The following PIK3C2G variants were observed in gnomAD, a reference collection of about 807,000 sequenced individuals.
PIK3C2G encodes phosphatidylinositol 3-kinase C2 domain-containing subunit gamma.
In PIK3C2G, 168 loss-of-function variants were observed where a neutral mutation model predicts 181.1. The ratio of observed to expected loss-of-function variants is 0.93; its 90% CI spans 0.82 to 1.05. PIK3C2G has a LOEUF of 1.05. PIK3C2G is among the 50% of genes least tolerant of loss of function. The pLI is 0.00. For synonymous variants in PIK3C2G, 573 were observed against 592.2 expected, an observed-to-expected ratio of 0.97 and a Z score of 0.47; for missense variants, 1,869 against 1,732.8, an observed-to-expected ratio of 1.08 and a Z score of -1.40.
chr12:18,506,709 A>G (rs1441385316), intron 24 of PIK3C2G, among the ~76,000 whole-genome samples: 1 of 152,226 alleles, frequency 6.6e-6, no homozygotes, highest in African/African-American at 2.4e-5. Context: ...CTTTAAGCCG[A>G]AAGTAAGGAA....
intron 3 of PIK3C2G, 91 bp downstream of exon 3, chr12:18,287,020 T>C (rs1261285899): frequency 1.9e-6 from 1 of 521,860 alleles, no homozygotes; most frequent in Non-Finnish European, 3.2e-6. Context: ...ATTTTGCATA[T>C]AAAAGTCAAA....
chr12:18,683,452 C>A, the PIK3C2G span: 1 of 1,433,420 alleles, frequency 7.0e-7, no homozygotes, highest in East Asian at 2.4e-5. Flanking sequence ...AGTTATATTC[C>A]CATCTGGTAT....
chr12:18,625,801 T>A (rs1316368239), intron 31 of PIK3C2G, among the ~76,000 whole-genome samples: 2 of 151,898 alleles, frequency 1.3e-5, no homozygotes, highest in African/African-American at 2.4e-5. Context: ...CAGTTTTTTA[T>A]TTAAAGTCTA....
At chr12:18,442,943 C>T (rs11044117) in intron 18 of PIK3C2G, among the ~76,000 whole-genome samples, 14,025 of 151,778 alleles carry the variant, frequency 0.092, 768 homozygotes, top group Non-Finnish European at 0.13. Context: ...GCAATCTCGG[C>T]TCACTGCAAA....
intron 31 of PIK3C2G, among the ~76,000 whole-genome samples, chr12:18,637,400 AT>A (rs35836229): frequency 7.5e-5 from 11 of 146,828 alleles, no homozygotes; most frequent in African/African-American, 2.0e-4. Context: ...TGACCTAGAT[AT>A]TTTTTTTTTT....
In PIK3C2G at chr12:18,282,625, T is replaced by G. The variant is rs779340923; in HGVS notation, c.544T>G (p.Phe182Val). The change falls in exon 2 of 33, where the codon TTC (phenylalanine) becomes GTC (valine). Residue 182 changes from phenylalanine to valine, a missense_variant. Physicochemically the swap from Phe to Val is conservative, Grantham distance 50. Transcript: ENST00000538779. ...TAGCATTCCTCCAACAAATTCATCC[T>G]TCTCAAGTGACTTCATGCCGAAAGA... Reference protein sequence around the residue: ...ESSIPPTNSSFSSDFMPKEEN... With the variant: ...ESSIPPTNSSVSSDFMPKEEN... 1.2e-6 allele frequency: 2 copies of G among 1,613,388 alleles called. No homozygotes were observed. The highest frequency in any genetic ancestry group is 1.7e-6 in the Non-Finnish European group (2 of 1,179,398).
At chr12:18,500,274 G>T (rs1251714958) in intron 22 of PIK3C2G, among the ~76,000 whole-genome samples, 1 of 152,136 alleles carries the variant, frequency 6.6e-6, no homozygotes, top group Non-Finnish European at 1.5e-5. Context: ...GGGCAATGAG[G>T]AGCTTAGCAC....
At chr12:18,657,343 A>G in the PIK3C2G span, among the ~76,000 whole-genome samples, 1 of 152,164 alleles carries the variant, frequency 6.6e-6, no homozygotes, top group African/African-American at 2.4e-5. Context: ...GTGCCCAGGG[A>G]TGGGATCATA....
intron 29 of PIK3C2G, among the ~76,000 whole-genome samples, chr12:18,589,307 A>T (rs1419391652): frequency 6.6e-6 from 1 of 152,018 alleles, no homozygotes; most frequent in Non-Finnish European, 1.5e-5. Context: ...TGGGAATGTT[A>T]GGAACAAAAA....
intron 20 of PIK3C2G, 141 bp downstream of exon 20, chr12:18,491,699 A>G (rs868101194): frequency 5.2e-5 from 29 of 552,414 alleles, no homozygotes; most frequent in African/African-American, 5.2e-4. Flanking sequence ...ATCCATTTAC[A>G]TTGTGTTTTC....
intron 31 of PIK3C2G, among the ~76,000 whole-genome samples, chr12:18,637,865 T>C (rs1949673081): frequency 6.6e-6 from 1 of 152,354 alleles, no homozygotes; most frequent in East Asian, 1.9e-4. Flanking sequence ...GTCCAGCCTG[T>C]CCACCTTTTG....
chr12:18,612,193 A>G (rs1026634658), intron 31 of PIK3C2G, among the ~76,000 whole-genome samples: 2 of 151,970 alleles, frequency 1.3e-5, no homozygotes, highest in Non-Finnish European at 2.9e-5. Context: ...GGACCTTTGT[A>G]TCTGCTACTC....
At chr12:18,714,482 G>A in the PIK3C2G span, among the ~76,000 whole-genome samples, 5 of 152,126 alleles carry the variant, frequency 3.3e-5, no homozygotes, top group Non-Finnish European at 7.4e-5. Flanking sequence ...AGAAGTGGAA[G>A]GCAGAAAAAT....
rs189507371 is a variant in PIK3C2G at position 18,251,330 on chromosome 12, G to A, written c.-79+3248G>A. ...CAACTTACAGTTTTTGGAAGAATTG[G>A]AAATTTTAGTCATAGTCATTTATAT... On this transcript the variant is annotated intron_variant, in intron 1 of 11. Coordinates refer to the PIK3C2G transcript ENST00000535651. Among the ~76,000 whole-genome samples the A allele has an allele frequency of 5.4e-3, 814 of 152,026 alleles. 4 individuals carry two copies. The highest frequency in any genetic ancestry group is 0.01 in the Middle Eastern group (3 of 292).
At chr12:18,360,296 T>C (rs1344351775) in intron 11 of PIK3C2G, among the ~76,000 whole-genome samples, 3 of 152,190 alleles carry the variant, frequency 2.0e-5, no homozygotes, top group African/African-American at 7.2e-5. Context: ...CACCACACTT[T>C]ATGTTATTGA....
At chr12:18,430,815 CTTCTGTACCAG>C (rs1418122107) in intron 18 of PIK3C2G, among the ~76,000 whole-genome samples, 4 of 152,170 alleles carry the variant, frequency 2.6e-5, no homozygotes, top group Non-Finnish European at 5.9e-5. Context: ...GGAGCAGCAT[CTTCTGTACCAG>C]TTGAGAAAAC....
At chr12:18,250,375 G>T (rs1378812191) in intron 1 of PIK3C2G, among the ~76,000 whole-genome samples, 1 of 151,872 alleles carries the variant, frequency 6.6e-6, no homozygotes, top group Admixed American at 6.6e-5. Context: ...TACTCCCAAA[G>T]GGAAAAAACA....
intron 5 of PIK3C2G, among the ~76,000 whole-genome samples, chr12:18,298,730 G>T (rs1347577697): frequency 6.6e-6 from 1 of 151,838 alleles, no homozygotes; most frequent in Non-Finnish European, 1.5e-5. Context: ...TATACACAGT[G>T]AGAGATAGGA....
chr12:18,571,654 T>C (rs1230882730), intron 29 of PIK3C2G, among the ~76,000 whole-genome samples: 2 of 150,918 alleles, frequency 1.3e-5, no homozygotes, highest in Non-Finnish European at 2.9e-5. Flanking sequence ...TCTGTATTAC[T>C]AATATAGCCA....
Sources: gnomAD v4.1 joint callset for allele counts (sites outside exome capture counted in the v4.1 genomes callset) on GRCh38, gnomAD v4.1.1 for gene constraint, MANE v1.5 for transcripts, NCBI Gene and HGNC (gene_info 2026-07-23, HGNC 2026-07-21) for gene names.